The following DNM3 variants were observed in gnomAD, a reference collection of about 807,000 sequenced individuals.
DNM3 encodes dynamin 3, also known as dynamin-3.
In DNM3, 47 loss-of-function variants were observed where a neutral mutation model predicts 101.6. The ratio of observed to expected loss-of-function variants is 0.46; its 90% CI spans 0.37 to 0.59. The LOEUF is 0.59. Among genes scored for constraint, DNM3 ranks in the 20% least tolerant of loss-of-function variants. The probability of loss-of-function intolerance (pLI) is 0.00; values close to 1 mark genes in which losing one functional copy is unlikely to be tolerated. For synonymous variants in DNM3, 385 were observed against 387.9 expected, an observed-to-expected ratio of 0.99 and a Z score of 0.09; for missense variants, 849 against 1,085.7, an observed-to-expected ratio of 0.78 and a Z score of 3.06.
At chr1:172,151,759 G>T (rs1260337398) in intron 14 of DNM3, among the ~76,000 whole-genome samples, 1 of 152,114 alleles carries the variant, frequency 6.6e-6, no homozygotes, top group Non-Finnish European at 1.5e-5. Flanking sequence ...AGTTCAACTT[G>T]CATCCATAGG....
chr1:172,164,056 G>T (rs1461810320), intron 14 of DNM3, among the ~76,000 whole-genome samples: 1 of 151,596 alleles, frequency 6.6e-6, no homozygotes, highest in Non-Finnish European at 1.5e-5. Context: ...GGATAATGCT[G>T]CAATGAATGT....
chr1:171,851,432 C>CA (rs1558163752), intron 1 of DNM3, among the ~76,000 whole-genome samples: 1 of 152,126 alleles, frequency 6.6e-6, no homozygotes, highest in African/African-American at 2.4e-5. Context: ...TTTTTTGAGA[C>CA]AGAGTCTCGC....
chr1:172,038,783 G>A (rs1403162730), intron 7 of DNM3, among the ~76,000 whole-genome samples: 1 of 152,144 alleles, frequency 6.6e-6, no homozygotes, highest in Non-Finnish European at 1.5e-5. Flanking sequence ...AAATACAGAT[G>A]CAAATATCAT....
At position 171,866,049 on chromosome 1, in the gene DNM3, A is replaced by T. The variant is rs546635625; in HGVS notation, c.161+24232A>T. ...TTTCCCCACATATACTAAATTTTGT[A>T]CATTCTACTTGAGTAGTGCCTTTGT... On this transcript the variant is annotated intron_variant, in intron 1 of 20. Transcript: ENST00000627582. Among the ~76,000 whole-genome samples the T allele has an allele frequency of 3.9e-5, 6 of 152,054 alleles. 1 individual carries two copies. In the South Asian group the frequency reaches 8.4e-4, roughly 21 times the overall value.
chr1:171,923,172 T>C (rs1002350470), intron 2 of DNM3, among the ~76,000 whole-genome samples: 8 of 152,186 alleles, frequency 5.3e-5, no homozygotes, highest in African/African-American at 1.9e-4. Flanking sequence ...CGGCAGTGTA[T>C]GAGGGTTACA....
At chr1:171,960,722 A>C (rs1324956180) in intron 2 of DNM3, among the ~76,000 whole-genome samples, 2 of 152,140 alleles carry the variant, frequency 1.3e-5, no homozygotes, top group Non-Finnish European at 2.9e-5. Flanking sequence ...GTGGAGCACA[A>C]TCCTGGCAGT....
intron 14 of DNM3, among the ~76,000 whole-genome samples, chr1:172,230,546 G>A (rs2061294585): frequency 6.6e-6 from 1 of 152,108 alleles, no homozygotes; most frequent in African/African-American, 2.4e-5. Flanking sequence ...TTGAAAATGA[G>A]AAAAAATAAA....
At chr1:172,292,541 A>G (rs1260391491) in intron 15 of DNM3, among the ~76,000 whole-genome samples, 1 of 152,090 alleles carries the variant, frequency 6.6e-6, no homozygotes, top group Admixed American at 6.6e-5. Context: ...TTAGAAACCT[A>G]TTCATATGGG....
In DNM3 at chr1:172,323,329, G is replaced by A; in HGVS notation, c.1882G>A (p.Gly628Arg). Residue 628 changes from glycine (G) to arginine (R), a missense_variant and splice_region_variant, in exon 17 of 21, where the codon GGG becomes AGG. By Grantham distance (125) the Gly-to-Arg change is moderately radical. This residue lies in a region of DNM3 where 256 missense variants were observed against 311.7 expected (regional missense o/e 0.82). Transcript: ENST00000627582. ...CTTTTCCTTGCGGCTACATGCATAG[G>A]GGAACAACAAAGTAAGTTATTTGTC... ...RAGVYPDKSV[G>R]NNKAENDENG... is the part of the protein sequence containing the mutation. 6.2e-7 allele frequency: 1 copy of A among 1,604,686 alleles called. No individual in the cohort carries two copies. Among genetic ancestry groups the A allele is most frequent in the African/African-American group, 1.3e-5 (1 of 74,734 alleles).
intron 2 of DNM3, among the ~76,000 whole-genome samples, chr1:171,979,318 T>G (rs2044609735): frequency 6.6e-6 from 1 of 152,164 alleles, no homozygotes; most frequent in Admixed American, 6.5e-5. Flanking sequence ...ATAAAAAAAT[T>G]TTGTGGGTAC....
chr1:172,330,971 ACCT>A (rs1393588486), intron 17 of DNM3, among the ~76,000 whole-genome samples: 1 of 152,138 alleles, frequency 6.6e-6, no homozygotes, highest in Non-Finnish European at 1.5e-5. Context: ...AGATTTTGTT[ACCT>A]CTTTTCCGTT....
intron 15 of DNM3, among the ~76,000 whole-genome samples, chr1:172,279,279 T>C (rs1285158516): frequency 2.6e-5 from 4 of 152,182 alleles, no homozygotes. Flanking sequence ...GATAGTGGAC[T>C]ATTGTACCCC....
At chr1:171,932,993 C>CT (rs905360846) in intron 2 of DNM3, among the ~76,000 whole-genome samples, 31 of 151,700 alleles carry the variant, frequency 2.0e-4, no homozygotes, top group African/African-American at 7.0e-4. Context: ...ACCATTCCTT[C>CT]TTTTTTTTTC....
chr1:172,091,610 C>T (rs1273459583), intron 12 of DNM3, among the ~76,000 whole-genome samples: 1 of 152,134 alleles, frequency 6.6e-6, no homozygotes. Context: ...TGGAACTCTT[C>T]AGGGAACAAG....
intron 1 of DNM3, among the ~76,000 whole-genome samples, chr1:171,895,266 G>T (rs1464799044): frequency 6.6e-6 from 1 of 152,148 alleles, no homozygotes; most frequent in Non-Finnish European, 1.5e-5. Context: ...GTGTAAAAGT[G>T]TTCCTCTTTC....
At chr1:172,354,088 G>GGTGTGTGT (rs768549406) in intron 17 of DNM3, among the ~76,000 whole-genome samples, 11 of 123,116 alleles carry the variant, frequency 8.9e-5, no homozygotes, top group African/African-American at 2.9e-4. Context: ...AAGGTGTTGG[G>GGTGTGTGT]GTGTGTGTGT....
intron 2 of DNM3, among the ~76,000 whole-genome samples, chr1:171,975,724 T>G (rs113103725): frequency 0.032 from 4,835 of 152,320 alleles, 222 homozygotes; most frequent in African/African-American, 0.11. Flanking sequence ...ACTGACAAGC[T>G]GATTCTAAAA....
At chr1:172,245,074 G>A (rs925984117) in intron 14 of DNM3, among the ~76,000 whole-genome samples, 2 of 152,138 alleles carry the variant, frequency 1.3e-5, no homozygotes, top group Non-Finnish European at 2.9e-5. Flanking sequence ...CAGCCCAGGA[G>A]GGGGCTGTTC....
intron 4 of DNM3, among the ~76,000 whole-genome samples, chr1:172,014,215 G>A (rs1274687465): frequency 6.6e-6 from 1 of 152,108 alleles, no homozygotes; most frequent in Non-Finnish European, 1.5e-5. Flanking sequence ...ACAAATTAAT[G>A]TCATTTGCAG....
Sources: allele counts gnomAD v4.1 joint callset (sites outside exome capture counted in the v4.1 genomes callset), GRCh38; gene constraint gnomAD v4.1.1; regional missense constraint gnomAD v4.1.1; transcripts MANE v1.5; gene names NCBI Gene and HGNC (gene_info 2026-07-23, HGNC 2026-07-21).